Variants in GMCL1 observed in about 807,000 individuals in gnomAD.
GMCL1 encodes the protein germ cell-less protein-like 1.
GMCL1 carries 54 observed loss-of-function variants against 75.5 expected under a neutral mutation model. That is an observed-to-expected ratio of 0.71 (90% CI 0.57 to 0.90). GMCL1 has a LOEUF of 0.90. Ranked by LOEUF, GMCL1 falls within the 40% of genes least tolerant of loss-of-function variation. The pLI is 0.00. For missense variants in GMCL1, 537 were observed against 622.7 expected (o/e 0.86, Z 1.47); for synonymous variants, 210 against 209.6 (o/e 1.00, Z -0.02).
At chr2:69,871,003 A>T (rs536300798) in intron 12 of GMCL1, among the ~76,000 whole-genome samples, 4 of 152,336 alleles carry the variant, frequency 2.6e-5, no homozygotes, top group Non-Finnish European at 5.9e-5. Context: ...TTACCATATG[A>T]TCCAGCAGTT....
intron 10 of GMCL1, among the ~76,000 whole-genome samples, chr2:69,863,014 A>G (rs111952573): frequency 3.7e-4 from 57 of 152,216 alleles, no homozygotes; most frequent in African/African-American, 1.2e-3. Context: ...TATTGAGGTA[A>G]TACAGAGTCT....
chr2:69,873,129 A>T (rs935386380), intron 13 of GMCL1, among the ~76,000 whole-genome samples: 1 of 152,188 alleles, frequency 6.6e-6, no homozygotes, highest in Non-Finnish European at 1.5e-5. Flanking sequence ...GGAGAAAGAA[A>T]GACAGCTCAG....
intron 1 of GMCL1, among the ~76,000 whole-genome samples, chr2:69,834,159 C>A (rs576840363): frequency 1.7e-4 from 26 of 152,246 alleles, no homozygotes; most frequent in African/African-American, 5.8e-4. Flanking sequence ...GCCTTTCCCC[C>A]ACTCTTGTCA....
intron 8 of GMCL1, among the ~76,000 whole-genome samples, chr2:69,852,544 C>CT (rs143568937): frequency 0.015 from 2,208 of 147,700 alleles, 47 homozygotes; most frequent in African/African-American, 0.048. Context: ...GTCTGTCTGT[C>CT]TTTTTTTTTT....
intron 4 of GMCL1, chr2:69,842,909 C>T (rs368149835): frequency 1.0e-4 from 27 of 264,284 alleles, no homozygotes; most frequent in African/African-American, 7.6e-4. Flanking sequence ...CCTTACTACT[C>T]CCCCCCACCT....
chr2:69,849,912 C>G (rs1675264001), intron 8 of GMCL1, among the ~76,000 whole-genome samples, 170 bp downstream of exon 8: 1 of 152,078 alleles, frequency 6.6e-6, no homozygotes, highest in East Asian at 1.9e-4. Flanking sequence ...TCTACTTCAC[C>G]CCTCATTTAC....
intron 8 of GMCL1, among the ~76,000 whole-genome samples, chr2:69,854,162 A>T (rs1319921443): frequency 7.1e-6 from 1 of 141,404 alleles, no homozygotes; most frequent in South Asian, 2.2e-4. Flanking sequence ...ATTATTACTT[A>T]TTTTAGAGAC....
In GMCL1 at chr2:69,867,339, C is replaced by T. The variant is rs139140181; in HGVS notation, c.1218+2364C>T. Among the ~76,000 whole-genome samples the T allele has an allele frequency of 3.1e-4, 47 of 152,190 alleles. No individual in the cohort carries two copies. In the East Asian group the frequency reaches 8.3e-3, roughly 27 times the overall value. On this transcript the variant is annotated intron_variant, in intron 11 of 13. Transcript: ENST00000282570. ...CTTCCTTCCCCCATGCTCTTGTGCT[C>T]CACCCTACCTCAGGCATCCATTCCT...
chr2:69,872,373 A>T (rs1487478748), intron 13 of GMCL1, among the ~76,000 whole-genome samples: 9 of 152,222 alleles, frequency 5.9e-5, no homozygotes, highest in African/African-American at 2.2e-4. Flanking sequence ...CATGATGAGA[A>T]AGTAGACCAT....
Position 69,871,795 on chromosome 2 carries a change from C to T in GMCL1, c.1415C>T (p.Thr472Ile), listed in dbSNP as rs932757236. 1 of 1,592,536 alleles carries T rather than the reference C, an allele frequency of 6.3e-7. No individual in the cohort carries two copies. The highest frequency in any genetic ancestry group is 8.6e-7 in the Non-Finnish European group (1 of 1,166,568). The stretch of plus-strand genomic sequence containing the variant: ...AGTGGAAAACTAATATGTAGTAGAA[C>T]AACTGGCTATCAAATACTTACACTT... ...DSSGKLICSRTTGYQILTLEK... is the reference protein window; with the variant it reads ...DSSGKLICSRITGYQILTLEK... Residue 472 changes from threonine to isoleucine, a missense_variant, in exon 13 of 14, where the codon ACA (threonine) becomes ATA (isoleucine). Coordinates refer to ENST00000282570, the MANE Select transcript of GMCL1 (RefSeq NM_178439.5).
chr2:69,852,664 G>A lies in GMCL1; in HGVS notation c.935-2159G>A, dbSNP rs934994681. Among the ~76,000 whole-genome samples, 43 of 151,854 alleles carry A rather than the reference G, an allele frequency of 2.8e-4. 1 individual carries two copies. Among genetic ancestry groups the A allele is most frequent in the Middle Eastern group, 3.4e-3 (1 of 294 alleles). ...AGCAATTCTCCTGCCTCAGCCTCCC[G>A]AGTAGCTGGGACTACAGGTGCATGC... On this transcript the variant is annotated intron_variant, in intron 8 of 13. Coordinates refer to ENST00000282570, the MANE Select transcript of GMCL1 (RefSeq NM_178439.5).
intron 11 of GMCL1, 89 bp from the exon 12 acceptor site, chr2:69,869,630 A>T: frequency 7.8e-7 from 1 of 1,290,302 alleles, no homozygotes; most frequent in Non-Finnish European, 1.1e-6. Context: ...ACTTGGAATG[A>T]GTTAGAGACA....
At chr2:69,873,899 G>A (rs1358347741) in intron 13 of GMCL1, 1 of 167,734 alleles carries the variant, frequency 6.0e-6, no homozygotes, top group East Asian at 1.9e-4. Context: ...CAGAGCCCAA[G>A]GCCAGGTGAG....
chr2:69,870,904 A>G (rs1033605719), intron 12 of GMCL1, among the ~76,000 whole-genome samples: 2 of 152,234 alleles, frequency 1.3e-5, no homozygotes, highest in African/African-American at 4.8e-5. Context: ...TGGAGTATTT[A>G]GAACCCTTGT....
At chr2:69,875,969 T>G (rs983547157) in intron 13 of GMCL1, among the ~76,000 whole-genome samples, 4 of 152,138 alleles carry the variant, frequency 2.6e-5, no homozygotes, top group African/African-American at 9.7e-5. Context: ...GGGTTACAGG[T>G]GTAAGCCACC....
chr2:69,836,657 A>G (rs1377103821), intron 1 of GMCL1, among the ~76,000 whole-genome samples: 1 of 152,214 alleles, frequency 6.6e-6, no homozygotes, highest in African/African-American at 2.4e-5. Context: ...ATGTGCTAGG[A>G]AAGCTTTCAG....
Position 69,837,650 on chromosome 2 carries a change from C to T in GMCL1, c.364C>T (p.His122Tyr). The T allele has an allele frequency of 6.3e-7, 1 of 1,598,606 alleles. No homozygotes were observed. ...TGCTCTAGGAGAAGAATGGAGCTTA[C>T]ACAAAATATATTTATGTCAAGTAAG... ...ICALGEEWSL[H>Y]KIYLCQSGYF... The change falls in exon 2 of 14, where the codon CAC (histidine) becomes TAC (tyrosine). Residue 122 changes from histidine to tyrosine, a missense_variant. By Grantham distance (83) the His-to-Tyr change is moderately conservative (BLOSUM62 2). Around this residue, in one of 3 missense-constraint regions of GMCL1, gnomAD observed 48 missense variants for 85.0 expected, o/e 0.56. Coordinates refer to ENST00000282570, the MANE Select transcript of GMCL1 (RefSeq NM_178439.5).
At position 69,847,635 on chromosome 2, in the gene GMCL1, C is replaced by T. The variant is rs765687949; in HGVS notation, c.843+8C>T. The T allele has an allele frequency of 2.8e-5, 44 of 1,544,220 alleles. 1 individual carries two copies. Among genetic ancestry groups the T allele is most frequent in the South Asian group, 1.8e-4 (16 of 89,470 alleles). ...TACACTGCTCTAAAAAAGGTACTGACGTAATATGATGTCATATTATACAAG... is the reference window on the plus strand; with the variant it reads ...TACACTGCTCTAAAAAAGGTACTGATGTAATATGATGTCATATTATACAAG... On this transcript the variant is annotated splice_region_variant and intron_variant, in intron 7 of 13. Coordinates refer to ENST00000282570, the MANE Select transcript of GMCL1 (RefSeq NM_178439.5).
intron 10 of GMCL1, among the ~76,000 whole-genome samples, chr2:69,864,484 G>T (rs1030218612): frequency 1.3e-5 from 2 of 151,506 alleles, no homozygotes; most frequent in African/African-American, 4.8e-5. Flanking sequence ...TATGAAAAAT[G>T]GTTTGCATGT....
Sources: allele counts gnomAD v4.1 joint callset (sites outside exome capture counted in the v4.1 genomes callset), GRCh38; gene constraint gnomAD v4.1.1; regional missense constraint gnomAD v4.1.1; transcripts MANE v1.5; gene names NCBI Gene and HGNC (gene_info 2026-07-23, HGNC 2026-07-21).